NFATC1: variants seen among roughly 807,000 people sequenced by gnomAD.
NFATC1 encodes the protein nuclear factor of activated T cells 1.
A neutral mutation model predicts 76.0 loss-of-function variants in NFATC1; 22 were observed. That is an observed-to-expected ratio of 0.29 (90% confidence interval 0.21 to 0.41). The LOEUF (loss-of-function observed/expected upper bound fraction) is 0.41, where lower values mean the gene tolerates loss of function less well. Ranked by LOEUF, NFATC1 falls within the 10% of genes least tolerant of loss-of-function variation. NFATC1 has a pLI of 1.00. For synonymous variants in NFATC1, 704 were observed against 613.1 expected, an observed-to-expected ratio of 1.15 and a Z score of -2.19; for missense variants, 1,357 against 1,337.7, an observed-to-expected ratio of 1.01 and a Z score of -0.23.
chr18:79,488,298 TTGTGTGTGTGTGTG>T (rs3222211), intron 9 of NFATC1, among the ~76,000 whole-genome samples: 60,381 of 141,006 alleles, frequency 0.43, 13,551 homozygotes, highest in Middle Eastern at 0.58. Flanking sequence ...GCAGCCCTGG[TTGTGTGTGTGTGTG>T]TGTGTGTGTG....
At chr18:79,441,983 C>T (rs1400057868) in intron 3 of NFATC1, among the ~76,000 whole-genome samples, 1 of 152,222 alleles carries the variant, frequency 6.6e-6, no homozygotes, top group African/African-American at 2.4e-5. Context: ...GTTGGGGCCC[C>T]TGCACCCTCC....
intron 1 of NFATC1, among the ~76,000 whole-genome samples, chr18:79,404,545 C>T (rs552596401): frequency 6.6e-6 from 1 of 152,244 alleles, no homozygotes; most frequent in Non-Finnish European, 1.5e-5. Flanking sequence ...CAGCAGACTC[C>T]GTGGCTGTCT....
intron 2 of NFATC1, among the ~76,000 whole-genome samples, chr18:79,428,347 C>G (rs989139244): frequency 1.3e-5 from 2 of 152,328 alleles, no homozygotes; most frequent in South Asian, 4.1e-4. Context: ...AAGATGCAAA[C>G]AGCAGGCCAG....
chr18:79,467,717 C>G, intron 8 of NFATC1, 135 bp downstream of exon 8: 1 of 1,353,548 alleles, frequency 7.4e-7, no homozygotes, highest in Non-Finnish European at 9.5e-7. Flanking sequence ...GTTAGTGAGA[C>G]CGAGCCATCG....
intron 2 of NFATC1, among the ~76,000 whole-genome samples, chr18:79,428,466 C>T (rs1210867228): frequency 6.6e-6 from 1 of 152,158 alleles, no homozygotes; most frequent in Non-Finnish European, 1.5e-5. Flanking sequence ...GGGAGCCTCA[C>T]GATGCTCACG....
intron 6 of NFATC1, among the ~76,000 whole-genome samples, chr18:79,455,738 C>CCCCCATCTCACGGCCG (rs1229449020): frequency 2.6e-5 from 3 of 114,166 alleles, no homozygotes; most frequent in Non-Finnish European, 5.8e-5. Flanking sequence ...CCCAGCTCGC[C>CCCCCATCTCACGGCCG]CCCCATCTCA....
intron 8 of NFATC1, among the ~76,000 whole-genome samples, chr18:79,477,393 G>A (rs1227328718): frequency 6.6e-6 from 1 of 152,222 alleles, no homozygotes; most frequent in African/African-American, 2.4e-5. Flanking sequence ...GAACTGTCTT[G>A]GGATCATTCT....
chr18:79,520,947 ATG>A (rs1265199567), intron 9 of NFATC1, among the ~76,000 whole-genome samples: 14 of 79,318 alleles, frequency 1.8e-4, no homozygotes, highest in East Asian at 4.5e-4. Flanking sequence ...GCATCCACTG[ATG>A]TGTGTGTCTG....
chr18:79,462,987 A>G (rs917882954), intron 7 of NFATC1, among the ~76,000 whole-genome samples: 1 of 152,220 alleles, frequency 6.6e-6, no homozygotes, highest in Non-Finnish European at 1.5e-5. Flanking sequence ...GGTGGCCTCC[A>G]TGGAGAGCGG....
At chr18:79,433,855 C>T (rs896089782) in intron 3 of NFATC1, 117 bp downstream of exon 3, 6 of 1,321,152 alleles carry the variant, frequency 4.5e-6, no homozygotes, top group African/African-American at 2.9e-5. Context: ...AATGCTCTGT[C>T]GTGGTTAGTC....
intron 9 of NFATC1, among the ~76,000 whole-genome samples, chr18:79,488,933 C>T (rs1233179852): frequency 2.1e-5 from 3 of 139,916 alleles, no homozygotes; most frequent in Non-Finnish European, 4.6e-5. Flanking sequence ...GGCTTTATGG[C>T]GAGGGTAGAG....
chr18:79,424,519 C>G (rs1462284596), intron 2 of NFATC1, among the ~76,000 whole-genome samples: 2 of 152,102 alleles, frequency 1.3e-5, no homozygotes, highest in African/African-American at 4.8e-5. Flanking sequence ...CTGTCTGTCT[C>G]TCCATCTCTG....
At chr18:79,401,615 T>A (rs2085260247) in intron 1 of NFATC1, among the ~76,000 whole-genome samples, 1 of 152,186 alleles carries the variant, frequency 6.6e-6, no homozygotes, top group Non-Finnish European at 1.5e-5. Flanking sequence ...AGCCAGGACA[T>A]TTCAGCAGAA....
intron 8 of NFATC1, among the ~76,000 whole-genome samples, chr18:79,483,949 G>T (rs1200270027): frequency 6.9e-6 from 1 of 144,930 alleles, no homozygotes; most frequent in Admixed American, 6.9e-5. Context: ...GGTTCCTGGG[G>T]TGTCACTCCA....
chr18:79,479,004 G>A (rs1004424285), intron 8 of NFATC1, among the ~76,000 whole-genome samples: 3 of 152,240 alleles, frequency 2.0e-5, no homozygotes, highest in Non-Finnish European at 4.4e-5. Flanking sequence ...TGCCGTGGAC[G>A]ATGGGGCAGC....
chr18:79,460,472 G>T (rs541722363), intron 6 of NFATC1, among the ~76,000 whole-genome samples: 11 of 152,304 alleles, frequency 7.2e-5, no homozygotes, highest in Admixed American at 4.6e-4. Flanking sequence ...CTGTGGTGGG[G>T]CCGCCTTGTC....
rs190485171 is a variant in NFATC1 at position 79,404,955 on chromosome 18, C to T, written c.128-5448C>T. On this transcript the variant is annotated intron_variant, in intron 1 of 9. Coordinates refer to ENST00000427363, the MANE Select transcript of NFATC1 (RefSeq NM_001278669.2). ...ACAGTTTTTTGTGGTTGTTCAGAAACGAGAAAGGTGTGTGGTTCTGAAGTG... is the reference window on the plus strand; with the variant it reads ...ACAGTTTTTTGTGGTTGTTCAGAAATGAGAAAGGTGTGTGGTTCTGAAGTG... Among the ~76,000 whole-genome samples the T allele has an allele frequency of 1.9e-4, 29 of 152,300 alleles. 1 individual carries two copies. The highest frequency in any genetic ancestry group is 4.6e-4 in the African/African-American group (19 of 41,560).
At chr18:79,427,748 G>GTGGGGT (rs1257091912) in intron 2 of NFATC1, among the ~76,000 whole-genome samples, 7 of 116,050 alleles carry the variant, frequency 6.0e-5, no homozygotes, top group African/African-American at 2.5e-4. Flanking sequence ...TGTGCAGTGG[G>GTGGGGT]TGGGGGGGTG....
chr18:79,516,705 A>T (rs1428129112), intron 9 of NFATC1, among the ~76,000 whole-genome samples: 2 of 152,220 alleles, frequency 1.3e-5, no homozygotes, highest in African/African-American at 2.4e-5. Context: ...TCAAAAAATT[A>T]AAAAACCCAC....
Sources: allele counts gnomAD v4.1 joint callset (sites outside exome capture counted in the v4.1 genomes callset), GRCh38; gene constraint gnomAD v4.1.1; transcripts MANE v1.5; gene names NCBI Gene and HGNC (gene_info 2026-07-23, HGNC 2026-07-21).